The following SORBS2 variants were observed in gnomAD, a reference collection of about 807,000 sequenced individuals.
SORBS2 encodes sorbin and SH3 domain containing 2, also known as sorbin and SH3 domain-containing protein 2.
A neutral mutation model predicts 97.7 loss-of-function variants in SORBS2; 46 were observed. The ratio of observed to expected loss-of-function variants is 0.47; its 90% CI spans 0.37 to 0.60. The LOEUF is 0.60. Among genes scored for constraint, SORBS2 ranks in the 20% least tolerant of loss-of-function variants. SORBS2 has a pLI of 0.00. For synonymous variants in SORBS2, 476 were observed against 473.4 expected (o/e 1.01, Z -0.07); for missense variants, 1,316 against 1,282.3 (o/e 1.03, Z -0.40).
intron 2 of SORBS2, among the ~76,000 whole-genome samples, chr4:185,699,768 C>A (rs900521806): frequency 7.9e-5 from 12 of 151,946 alleles, no homozygotes; most frequent in Non-Finnish European, 1.6e-4. Context: ...TCTTTGGGAT[C>A]TAATAAAAGT....
chr4:185,857,522 AAAAG>A (rs2099221202), intron 1 of SORBS2, among the ~76,000 whole-genome samples: 1 of 152,218 alleles, frequency 6.6e-6, no homozygotes, highest in African/African-American at 2.4e-5. Flanking sequence ...TGCACCCTGA[AAAAG>A]AACAGAATAA....
upstream of SORBS2, chr4:185,657,695 C>T: frequency 2.8e-6 from 3 of 1,057,990 alleles, no homozygotes; most frequent in Middle Eastern, 2.0e-4. Context: ...AACACAGAGA[C>T]CATATTGCCA....
chr4:185,659,293 G>T (rs573271700), upstream of SORBS2, among the ~76,000 whole-genome samples: 21 of 152,292 alleles, frequency 1.4e-4, 1 homozygote, highest in South Asian at 3.9e-3. Flanking sequence ...ATCAGTGCTG[G>T]GGAAGGAGGT....
intron 2 of SORBS2, among the ~76,000 whole-genome samples, chr4:185,687,921 C>T (rs2098001061): frequency 6.6e-6 from 1 of 152,050 alleles, no homozygotes; most frequent in Non-Finnish European, 1.5e-5. Context: ...GTCAGTTTAT[C>T]CTAAAGAATC....
At chr4:185,728,617 G>A (rs764200503) in intron 2 of SORBS2, among the ~76,000 whole-genome samples, 1 of 152,208 alleles carries the variant, frequency 6.6e-6, no homozygotes, top group Non-Finnish European at 1.5e-5. Context: ...AAAAGGATGC[G>A]CAGGAGCACT....
chr4:185,660,829 T>C (rs548704980), upstream of SORBS2, among the ~76,000 whole-genome samples: 1 of 152,332 alleles, frequency 6.6e-6, no homozygotes, highest in Admixed American at 6.5e-5. Context: ...ATGGTGCTGC[T>C]GTCCTGAGAA....
chr4:185,870,636 G>A (rs1579266030), intron 1 of SORBS2, among the ~76,000 whole-genome samples: 2 of 152,186 alleles, frequency 1.3e-5, no homozygotes, highest in Non-Finnish European at 2.9e-5. Context: ...ATGCGGCTCC[G>A]GCTTTGCTCT....
At chr4:185,911,661 G>T (rs991533453) in intron 1 of SORBS2, among the ~76,000 whole-genome samples, 3 of 152,160 alleles carry the variant, frequency 2.0e-5, no homozygotes, top group Admixed American at 6.5e-5. Context: ...TTGCTGTCAC[G>T]TTGGCCAGGT....
At chr4:185,746,092 C>A (rs1015406205) in intron 2 of SORBS2, among the ~76,000 whole-genome samples, 3 of 152,112 alleles carry the variant, frequency 2.0e-5, no homozygotes, top group Admixed American at 6.5e-5. Flanking sequence ...CATCAAGGGG[C>A]CTTTGGGTAA....
At chr4:185,717,830 T>C (rs561535265) in intron 2 of SORBS2, among the ~76,000 whole-genome samples, 1 of 152,372 alleles carries the variant, frequency 6.6e-6, no homozygotes, top group Non-Finnish European at 1.5e-5. Context: ...TTCTGCTTAT[T>C]AGCCGCATGA....
chr4:185,878,055 T>C (rs985653398), intron 1 of SORBS2, among the ~76,000 whole-genome samples: 1 of 152,108 alleles, frequency 6.6e-6, no homozygotes, highest in African/African-American at 2.4e-5. Context: ...TTGAGGATTT[T>C]AGTACATATG....
At chr4:185,827,309 T>C (rs1585258410) in intron 1 of SORBS2, among the ~76,000 whole-genome samples, 8 of 107,342 alleles carry the variant, frequency 7.5e-5, no homozygotes, top group African/African-American at 1.0e-4. Context: ...ATCACCATCA[T>C]CACCATCATC....
At chr4:185,712,481 C>A (rs1228187847) in intron 2 of SORBS2, among the ~76,000 whole-genome samples, 7 of 152,260 alleles carry the variant, frequency 4.6e-5, no homozygotes, top group African/African-American at 1.7e-4. Context: ...AGCTCAGAAG[C>A]CACCAGTGCA....
In SORBS2 at chr4:185,620,277, A is replaced by G. The variant is rs188328146; in HGVS notation, c.2216-126T>C. On this transcript the variant is annotated intron_variant, in intron 7 of 14. Transcript: ENST00000418609. ...TTGGAGAGACACCGTTATCGAACAC[A>G]TGGGCATAAAACTCATAGTTCATTA... The G allele has an allele frequency of 1.8e-3, 1,287 of 699,548 alleles. 7 individuals are homozygous for G. The highest frequency in any genetic ancestry group is 0.013 in the African/African-American group (743 of 56,806). 43.3% of individuals were successfully genotyped at this position (699,548 alleles called of 1,614,324 possible).
chr4:185,869,350 A>T (rs551930438), intron 1 of SORBS2, among the ~76,000 whole-genome samples: 33 of 152,288 alleles, frequency 2.2e-4, no homozygotes, highest in African/African-American at 7.9e-4. Context: ...AACAAATACA[A>T]GGTTTATTTT....
At chr4:185,626,268 A>G (rs1370329379) in intron 6 of SORBS2, among the ~76,000 whole-genome samples, 1 of 152,240 alleles carries the variant, frequency 6.6e-6, no homozygotes, top group African/African-American at 2.4e-5. Context: ...CTGTGAATTG[A>G]CCACTGTGTT....
chr4:185,737,321 G>T lies in SORBS2; in HGVS notation c.-198+37906C>A, dbSNP rs549915467. 2.6e-5 allele frequency among the ~76,000 whole-genome samples: 4 copies of T among 152,242 alleles called. No individual in the cohort carries two copies. In the East Asian group the frequency reaches 7.7e-4, roughly 29 times the overall value. On this transcript the variant is annotated intron_variant, in intron 2 of 20. Coordinates refer to the SORBS2 transcript ENST00000284776. The stretch of plus-strand genomic sequence containing the variant: ...GAGAAAGCAAAGTGGCTGGGGACAG[G>T]GGGTGTGGAGAGCAGGTGGTCTCCC...
chr4:185,865,396 T>G (rs138535234), intron 1 of SORBS2, among the ~76,000 whole-genome samples: 6 of 152,216 alleles, frequency 3.9e-5, no homozygotes, highest in African/African-American at 1.4e-4. Context: ...CTAATTTAAC[T>G]CTATTGGAAA....
At chr4:185,792,450 T>C (rs766842015) in intron 1 of SORBS2, among the ~76,000 whole-genome samples, 14 of 150,656 alleles carry the variant, frequency 9.3e-5, no homozygotes, top group African/African-American at 1.5e-4. Flanking sequence ...GCTGAGATCA[T>C]GCCACTGCAC....
Sources: allele counts gnomAD v4.1 joint callset (sites outside exome capture counted in the v4.1 genomes callset), GRCh38; gene constraint gnomAD v4.1.1; transcripts MANE v1.5; gene names NCBI Gene and HGNC (gene_info 2026-07-23, HGNC 2026-07-21).